GARIN2: variants seen among roughly 807,000 people sequenced by gnomAD.
GARIN2 encodes Golgi-associated RAB2 interactor protein 2.
chr14:67,193,294 CTATCTATATATCTCTATATAGA>C, the GARIN2 span, among the ~76,000 whole-genome samples: 3,671 of 134,038 alleles, frequency 0.027, 83 homozygotes, highest in Admixed American at 0.035. Context: ...ATATAGACAT[CTATCTATATATCTCTATATAGA>C]TATCTATATA....
chr14:67,195,823 C>T, the GARIN2 span, among the ~76,000 whole-genome samples: 1 of 151,270 alleles, frequency 6.6e-6, no homozygotes, highest in Non-Finnish European at 1.5e-5. Flanking sequence ...AGCTCACTGC[C>T]ATCTCCGCCT....
chr14:67,200,190 T>C, the GARIN2 span: 1 of 1,148,700 alleles, frequency 8.7e-7, no homozygotes, highest in Admixed American at 2.8e-5. Context: ...GTGGACTTCC[T>C]CCACTGATGC....
chr14:67,226,335 A>G, the GARIN2 span, among the ~76,000 whole-genome samples: 1 of 136,232 alleles, frequency 7.3e-6, no homozygotes, highest in African/African-American at 2.8e-5. Flanking sequence ...GGGATTACAG[A>G]CAAGCACCAC....
the GARIN2 span, among the ~76,000 whole-genome samples, chr14:67,218,508 G>A: frequency 1.3e-5 from 2 of 152,166 alleles, no homozygotes; most frequent in African/African-American, 4.8e-5. Context: ...TTGGCAGCCT[G>A]GGGCATGTCA....
At chr14:67,214,090 G>A in the GARIN2 span, among the ~76,000 whole-genome samples, 2 of 152,098 alleles carry the variant, frequency 1.3e-5, no homozygotes, top group Admixed American at 6.6e-5. Context: ...AGTAGGTTGC[G>A]AAAATGTCCT....
At chr14:67,203,144 G>A in the GARIN2 span, 1 of 1,613,904 alleles carries the variant, frequency 6.2e-7, no homozygotes. Flanking sequence ...CCAACTGGGT[G>A]ACCGTAGGCA....
At chr14:67,197,783 A>C in the GARIN2 span, among the ~76,000 whole-genome samples, 1 of 152,134 alleles carries the variant, frequency 6.6e-6, no homozygotes, top group Admixed American at 6.5e-5. Context: ...ATATATTGAG[A>C]GACCTCCTAG....
At chr14:67,215,283 G>A in the GARIN2 span, among the ~76,000 whole-genome samples, 1 of 152,132 alleles carries the variant, frequency 6.6e-6, no homozygotes, top group African/African-American at 2.4e-5. Flanking sequence ...AGGACTAGGA[G>A]CTCAAAAAGA....
the GARIN2 span, chr14:67,203,323 C>A: frequency 6.6e-7 from 1 of 1,522,832 alleles, no homozygotes; most frequent in Non-Finnish European, 8.9e-7. Flanking sequence ...GGTTAAAGAT[C>A]TCTCAGAAGA....
At chr14:67,189,947 T>A in the GARIN2 span, among the ~76,000 whole-genome samples, 1 of 150,634 alleles carries the variant, frequency 6.6e-6, no homozygotes, top group African/African-American at 2.4e-5. Flanking sequence ...TTCAAGTGAT[T>A]CTCCTGCCTC....
the GARIN2 span, chr14:67,199,843 G>A: frequency 2.0e-6 from 3 of 1,497,798 alleles, no homozygotes; most frequent in East Asian, 2.3e-5. Flanking sequence ...CCCCAGCCAT[G>A]CCCCACCACC....
chr14:67,220,689 G>C, the GARIN2 span, among the ~76,000 whole-genome samples: 1 of 152,162 alleles, frequency 6.6e-6, no homozygotes, highest in African/African-American at 2.4e-5. Context: ...AAAGAGGATA[G>C]TGGCAGGCTT....
At chr14:67,220,549 T>C in the GARIN2 span, among the ~76,000 whole-genome samples, 2 of 152,296 alleles carry the variant, frequency 1.3e-5, no homozygotes, top group East Asian at 1.9e-4. Context: ...GAGTGAAAAA[T>C]GTTGGAAACT....
chr14:67,198,266 A>T, the GARIN2 span: 1 of 1,613,922 alleles, frequency 6.2e-7, no homozygotes, highest in Non-Finnish European at 8.5e-7. Flanking sequence ...TGTTGGATGG[A>T]GGAGAGTATG....
At chr14:67,225,928 T>TGA in the GARIN2 span, among the ~76,000 whole-genome samples, 1 of 104,548 alleles carries the variant, frequency 9.6e-6, no homozygotes, top group Non-Finnish European at 1.7e-5. Flanking sequence ...ATGCTGTGAG[T>TGA]GTGTGTGTGT....
the GARIN2 span, chr14:67,203,403 G>A: frequency 6.1e-5 from 51 of 837,682 alleles, no homozygotes; most frequent in African/African-American, 5.7e-4. Context: ...CATGTTACTC[G>A]CACTCCCTGC....
chr14:67,198,853 A>C, the GARIN2 span: 1 of 617,468 alleles, frequency 1.6e-6, no homozygotes, highest in Non-Finnish European at 3.0e-6. Flanking sequence ...ATATTCAGAC[A>C]AAGAAATGGT....
At chr14:67,218,394 A>G in the GARIN2 span, among the ~76,000 whole-genome samples, 1 of 152,030 alleles carries the variant, frequency 6.6e-6, no homozygotes, top group Non-Finnish European at 1.5e-5. Context: ...CCGTTTCTCA[A>G]ATCTGGAACA....
the GARIN2 span, among the ~76,000 whole-genome samples, chr14:67,212,308 C>CA: frequency 2.6e-5 from 4 of 151,922 alleles, no homozygotes; most frequent in East Asian, 5.8e-4. Flanking sequence ...GCTCCTCTGA[C>CA]AAAAAATGTA....
Sources: gnomAD v4.1 joint callset for allele counts (sites outside exome capture counted in the v4.1 genomes callset) on GRCh38, gnomAD v4.1.1 for gene constraint, MANE v1.5 for transcripts, NCBI Gene and HGNC (gene_info 2026-07-23, HGNC 2026-07-21) for gene names.